Variants in PPFIA3 observed in about 807,000 individuals in gnomAD.
The protein encoded by PPFIA3 is PPFI scaffold protein A3.
PPFIA3 carries 26 observed loss-of-function variants against 145.8 expected under a neutral mutation model. The observed-to-expected ratio is 0.18, with a 90% confidence interval of 0.13 to 0.25. PPFIA3 has a LOEUF of 0.25. Among genes scored for constraint, PPFIA3 ranks in the 10% least tolerant of loss-of-function variants. PPFIA3 has a pLI of 1.00. For missense variants in PPFIA3, 1,008 were observed against 1,587.8 expected (o/e 0.63, Z 6.21); for synonymous variants, 645 against 661.4 (o/e 0.98, Z 0.38).
In PPFIA3 at chr19:49,128,774, C is replaced by A; in HGVS notation, c.343-74C>A. On this transcript the variant is annotated intron_variant, in intron 3 of 29. Coordinates refer to ENST00000334186, the MANE Select transcript of PPFIA3 (RefSeq NM_003660.4). This position sits in a 1 kb window ranked among gnomAD's most constrained non-coding sequence, Gnocchi z 4.1. ...TCTTTTCCTCCATGTGTCCGCCCTA[C>A]CTGTCACCCTTTTTCTCACATCTGC... 1 of 1,385,462 alleles carries A rather than the reference C, an allele frequency of 7.2e-7. No homozygotes were observed. The highest frequency in any genetic ancestry group is 9.8e-7 in the Non-Finnish European group (1 of 1,020,902). The allele number at this position is 1,385,462 out of a possible 1,614,324, so 85.8% of individuals were successfully genotyped here. A position where few individuals can be genotyped will look rare whatever the true frequency, so the allele number is the denominator to read the frequency against.
chr19:49,142,709 C>G (rs1456360426), intron 20 of PPFIA3, 95 bp from the exon 21 acceptor site: 3 of 1,045,454 alleles, frequency 2.9e-6, no homozygotes, highest in East Asian at 5.4e-5. Context: ...GCTCCCCACC[C>G]CCTTGCCTTT....
chr19:49,141,749 TTC>T (rs1338115406), intron 19 of PPFIA3, among the ~76,000 whole-genome samples: 1 of 151,950 alleles, frequency 6.6e-6, no homozygotes, highest in Non-Finnish European at 1.5e-5. Flanking sequence ...TTTTTATTTT[TTC>T]TTTCTTTTTT....
At position 49,139,974 on chromosome 19, in the gene PPFIA3, G is replaced by C. The variant is rs2041197561; in HGVS notation, c.2254G>C (p.Asp752His). The change falls in exon 18 of 30, where the codon GAT (aspartate) becomes CAT (histidine). Residue 752 changes from aspartate (D) to histidine (H), a missense_variant. Asp to His is a moderately conservative substitution (Grantham distance 81, BLOSUM62 -1). Coordinates refer to ENST00000334186, the MANE Select transcript of PPFIA3 (RefSeq NM_003660.4). Reference sequence around the variant, plus strand: ...CTGCTTTCCCAGTGAGGGCACCCCAGATTCTCTGCACAAAGCCCCCAAGAA... The same window carrying C: ...CTGCTTTCCCAGTGAGGGCACCCCACATTCTCTGCACAAAGCCCCCAAGAA... ...GPPRGSEGTP[D>H]SLHKAPKKKS... is the part of the protein sequence containing the mutation. 5.6e-6 allele frequency: 9 copies of C among 1,614,178 alleles called. No homozygotes were observed. The highest frequency in any genetic ancestry group is 7.6e-6 in the Non-Finnish European group (9 of 1,180,040).
chr19:49,128,259 G>A lies in PPFIA3; in HGVS notation c.241-108G>A, dbSNP rs980135417. ...GGCGGGGCCTGAGTGGCAAGGGACAGCGGGACTTAGCAGGGAGGGCGGGAC... is the reference window on the plus strand; with the variant it reads ...GGCGGGGCCTGAGTGGCAAGGGACAACGGGACTTAGCAGGGAGGGCGGGAC... On this transcript the variant is annotated intron_variant, in intron 2 of 29. Coordinates refer to ENST00000334186, the MANE Select transcript of PPFIA3 (RefSeq NM_003660.4). The surrounding 1 kb of genome is among the most constrained non-coding windows in gnomAD (Gnocchi z 4.1). The A allele has an allele frequency of 6.7e-7, 1 of 1,502,430 alleles. No individual in the cohort carries two copies. The allele number at this position is 1,502,430 out of a possible 1,614,324, so 93.1% of individuals were successfully genotyped here. A position where few individuals can be genotyped will look rare whatever the true frequency, so the allele number is the denominator to read the frequency against.
chr19:49,136,826 C>T lies in PPFIA3; in HGVS notation c.1768C>T (p.Leu590=). 1.3e-6 allele frequency: 2 copies of T among 1,590,854 alleles called. No homozygotes were observed. Among genetic ancestry groups the T allele is most frequent in the Non-Finnish European group, 1.7e-6 (2 of 1,168,802 alleles). ...EEAEGMFGAE[L]LSPSGQADVQ... Reference sequence around the variant, plus strand: ...GGCAGAGGGGATGTTTGGGGCCGAGCTGCTGTCCCCCAGTGGGCAGGCTGA... The same window carrying T: ...GGCAGAGGGGATGTTTGGGGCCGAGTTGCTGTCCCCCAGTGGGCAGGCTGA... The change falls in exon 15 of 30, where the codon CTG becomes TTG. Residue 590 remains leucine (L), a synonymous_variant. Transcript: ENST00000334186.
At position 49,130,441 on chromosome 19, in the gene PPFIA3, G is replaced by T; in HGVS notation, c.721G>T (p.Ala241Ser). The change falls in exon 7 of 30, where the codon GCC becomes TCC. Residue 241 changes from alanine to serine, a missense_variant. Physicochemically the swap from Ala to Ser is moderately conservative, Grantham distance 99. Transcript: ENST00000334186. This position sits in a 1 kb window ranked among gnomAD's most constrained non-coding sequence, Gnocchi z 4.5. The stretch of plus-strand genomic sequence containing the variant: ...CCGGCGCACAGCAGAGCTGGAGGAG[G>T]CCCTGGAGCGGCAGCGCGCCGAGGT... ...SNRRTAELEE[A>S]LERQRAEVCQ... 6.2e-7 allele frequency: 1 copy of T among 1,610,602 alleles called. No homozygotes were observed.
chr19:49,143,257 TCAC>T (rs1310440533), intron 21 of PPFIA3, among the ~76,000 whole-genome samples: 1 of 152,250 alleles, frequency 6.6e-6, no homozygotes, highest in African/African-American at 2.4e-5. Context: ...CACTCAAATG[TCAC>T]CACCTCTAAG....
chr19:49,128,210 T>G lies in PPFIA3; in HGVS notation c.240+97T>G. 1 of 1,470,388 alleles carries G rather than the reference T, an allele frequency of 6.8e-7. No individual in the cohort carries two copies. The highest frequency in any genetic ancestry group is 2.5e-5 in the East Asian group (1 of 40,664). 91.1% of individuals were successfully genotyped at this position (1,470,388 alleles called of 1,614,324 possible). A position where few individuals can be genotyped will look rare whatever the true frequency, so the allele number is the denominator to read the frequency against. ...GGGCTTGGCGCCTGGAAGGGAGGAG[T>G]CTGGGCGAGGCTTGCCGTTAATGGG... On this transcript the variant is annotated intron_variant, in intron 2 of 29. Transcript: ENST00000334186. This position sits in a 1 kb window ranked among gnomAD's most constrained non-coding sequence, Gnocchi z 4.1.
chr19:49,143,671 C>T (rs546662469), intron 21 of PPFIA3, among the ~76,000 whole-genome samples: 93 of 152,314 alleles, frequency 6.1e-4, no homozygotes, highest in African/African-American at 2.2e-3. Flanking sequence ...CTACGCCTGG[C>T]CCTCGTTCCA....
rs139490647 is a variant in PPFIA3 at position 49,138,772 on chromosome 19, C to T, written c.2076+345C>T. On this transcript the variant is annotated intron_variant, in intron 16 of 29. Coordinates refer to ENST00000334186, the MANE Select transcript of PPFIA3 (RefSeq NM_003660.4). ...ATCACTTGAGGTCAGGAGTTCGAGACCCACCTGGCCAACATGGTGAAACCC... is the reference window on the plus strand; with the variant it reads ...ATCACTTGAGGTCAGGAGTTCGAGATCCACCTGGCCAACATGGTGAAACCC... Among the ~76,000 whole-genome samples, 1,317 of 152,272 alleles carry T rather than the reference C, an allele frequency of 8.6e-3. 6 individuals are homozygous for T. The highest frequency in any genetic ancestry group is 0.014 in the Middle Eastern group (4 of 294).
intron 11 of PPFIA3, 145 bp downstream of exon 11, chr19:49,134,310 C>T: frequency 2.6e-6 from 3 of 1,169,718 alleles, no homozygotes; most frequent in Non-Finnish European, 3.6e-6. Context: ...CTTCTCTGCT[C>T]TATTGCCCAG....
At chr19:49,139,100 C>T (rs1407132250) in intron 16 of PPFIA3, among the ~76,000 whole-genome samples, 2 of 152,044 alleles carry the variant, frequency 1.3e-5, no homozygotes, top group Non-Finnish European at 2.9e-5. Flanking sequence ...TTCCTGCTTC[C>T]AGAACCTGTA....
In PPFIA3 at chr19:49,128,814, C is replaced by G. The variant is rs766090542; in HGVS notation, c.343-34C>G. The G allele has an allele frequency of 6.4e-7, 1 of 1,551,594 alleles. No homozygotes were observed. The highest frequency in any genetic ancestry group is 1.2e-5 in the South Asian group (1 of 83,690). On this transcript the variant is annotated intron_variant, in intron 3 of 29. Transcript: ENST00000334186. The surrounding 1 kb of genome is among the most constrained non-coding windows in gnomAD (Gnocchi z 4.1). The stretch of plus-strand genomic sequence containing the variant: ...CTCACATCTGCCCCTTTTCCCTTGC[C>G]TCTTTTCCTTGACCCCATGCCGTGT...
chr19:49,140,394 C>A, intron 18 of PPFIA3, among the ~76,000 whole-genome samples: 1 of 152,010 alleles, frequency 6.6e-6, no homozygotes. Flanking sequence ...GTCACCCAGG[C>A]TGGAGTGCAG....
At chr19:49,136,065 C>A in intron 14 of PPFIA3, 142 bp downstream of exon 14, 1 of 1,031,976 alleles carries the variant, frequency 9.7e-7, no homozygotes, top group Non-Finnish European at 1.3e-6. Context: ...CCTTTCTTCT[C>A]TCCTTCCCTG....
In PPFIA3 at chr19:49,133,070, C is replaced by A; in HGVS notation, c.949C>A (p.Arg317=). ...TLEKRYLSAQ[R]EATSLHDAND... ...GGAGAAGCGCTACCTGAGCGCCCAG[C>A]GGGAGGCCACGTCTCTGCACGACGC... The change falls in exon 8 of 30, where the codon CGG becomes AGG. Residue 317 remains arginine (R), a synonymous_variant. Transcript: ENST00000334186. This position sits in a 1 kb window ranked among gnomAD's most constrained non-coding sequence, Gnocchi z 7.2. 6.2e-7 allele frequency: 1 copy of A among 1,613,040 alleles called. No individual in the cohort carries two copies. Among genetic ancestry groups the A allele is most frequent in the Non-Finnish European group, 8.5e-7 (1 of 1,179,940 alleles).
Position 49,142,859 on chromosome 19 carries a change from G to C in PPFIA3, c.2600G>C (p.Ser867Thr). 1 of 1,613,976 alleles carries C rather than the reference G, an allele frequency of 6.2e-7. No homozygotes were observed. Among genetic ancestry groups the C allele is most frequent in the Non-Finnish European group, 8.5e-7 (1 of 1,180,014 alleles). The change falls in exon 21 of 30, where the codon AGC becomes ACC. Residue 867 changes from serine to threonine, a missense_variant. By Grantham distance (58) the Ser-to-Thr change is moderately conservative. Coordinates refer to ENST00000334186, the MANE Select transcript of PPFIA3 (RefSeq NM_003660.4). ...GCCGCCTGCCGGGCCAATGTCAAGA[G>C]CGGTGCCATCATGGCCAACCTGTCA... ...YVAACRANVK[S>T]GAIMANLSDT...
In PPFIA3 at chr19:49,140,103, C is replaced by T; in HGVS notation, c.2368+15C>T. The T allele has an allele frequency of 6.2e-7, 1 of 1,613,384 alleles. No homozygotes were observed. Among genetic ancestry groups the T allele is most frequent in the Non-Finnish European group, 8.5e-7 (1 of 1,179,856 alleles). Reference sequence around the variant, plus strand: ...CTCTTCTCTGGGTGAGTACCTCACTCTAACCCTTCCCTCCTTTGTTCCTTC... The same window carrying T: ...CTCTTCTCTGGGTGAGTACCTCACTTTAACCCTTCCCTCCTTTGTTCCTTC... On this transcript the variant is annotated intron_variant, in intron 18 of 29. Transcript: ENST00000334186.
chr19:49,141,949 G>GTA (rs2122623829), intron 19 of PPFIA3, 85 bp from the exon 20 acceptor site: 2 of 980,820 alleles, frequency 2.0e-6, no homozygotes, highest in Non-Finnish European at 3.1e-6. Flanking sequence ...GTGTGTGTGT[G>GTA]TGTATGTGTG....
Sources: allele counts gnomAD v4.1 joint callset (sites outside exome capture counted in the v4.1 genomes callset), GRCh38; gene constraint gnomAD v4.1.1; non-coding constraint Gnocchi (gnomAD v3.1); transcripts MANE v1.5; gene names NCBI Gene and HGNC (gene_info 2026-07-23, HGNC 2026-07-21).